MMP16: variants seen among roughly 807,000 people sequenced by gnomAD.
The protein encoded by MMP16 is matrix metallopeptidase 16.
A neutral mutation model predicts 67.8 loss-of-function variants in MMP16; 12 were observed. The observed-to-expected ratio is 0.18, with a 90% CI of 0.11 to 0.29. The LOEUF (loss-of-function observed/expected upper bound fraction) is 0.29, where lower values mean the gene tolerates loss of function less well. Among genes scored for constraint, MMP16 ranks in the 10% least tolerant of loss-of-function variants. MMP16 has a pLI of 1.00. For synonymous variants in MMP16, 249 were observed against 255.9 expected (o/e 0.97, Z 0.26); for missense variants, 475 against 765.7 (o/e 0.62, Z 4.48).
chr8:88,131,393 A>C (rs1334751081), intron 4 of MMP16, among the ~76,000 whole-genome samples: 3 of 151,762 alleles, frequency 2.0e-5, no homozygotes, highest in Non-Finnish European at 1.5e-5. Flanking sequence ...GATACCAAAA[A>C]GGACTATCAT....
At chr8:88,072,296 C>G (rs1456003492) in intron 7 of MMP16, among the ~76,000 whole-genome samples, 1 of 152,040 alleles carries the variant, frequency 6.6e-6, no homozygotes, top group African/African-American at 2.4e-5. Context: ...TGCTAGGACT[C>G]TCACTCCTCT....
intron 3 of MMP16, among the ~76,000 whole-genome samples, chr8:88,185,456 C>T (rs534597616): frequency 1.3e-5 from 2 of 151,928 alleles, no homozygotes; most frequent in African/African-American, 4.8e-5. Context: ...GAAAAAAAAA[C>T]GTCGCCAAAA....
chr8:88,326,930 A>G (rs899748743), intron 1 of MMP16, 145 bp downstream of exon 1: 4 of 1,032,212 alleles, frequency 3.9e-6, no homozygotes, highest in African/African-American at 3.2e-5. Context: ...ACACCCTTAA[A>G]CTGAACCAGG....
At chr8:88,264,880 A>T (rs1015889509) in intron 1 of MMP16, among the ~76,000 whole-genome samples, 5 of 152,246 alleles carry the variant, frequency 3.3e-5, no homozygotes, top group Non-Finnish European at 5.9e-5. Context: ...GTTTATACAA[A>T]CATATATAGA....
intron 1 of MMP16, among the ~76,000 whole-genome samples, chr8:88,215,355 A>AT (rs1178835495): frequency 6.6e-6 from 1 of 151,698 alleles, no homozygotes; most frequent in Non-Finnish European, 1.5e-5. Flanking sequence ...ATCTAAGAGC[A>AT]TTTTTTAATG....
At chr8:88,313,364 CT>C (rs1811326969) in intron 1 of MMP16, among the ~76,000 whole-genome samples, 1 of 151,918 alleles carries the variant, frequency 6.6e-6, no homozygotes, top group South Asian at 2.1e-4. Flanking sequence ...GATTTTTTTC[CT>C]TTCTGTATTT....
At chr8:88,246,921 G>A (rs1029087468) in intron 1 of MMP16, among the ~76,000 whole-genome samples, 2 of 151,966 alleles carry the variant, frequency 1.3e-5, no homozygotes, top group Admixed American at 1.3e-4. Context: ...TTCATTCATC[G>A]AATTAAATCT....
intron 4 of MMP16, among the ~76,000 whole-genome samples, chr8:88,166,552 T>C (rs939189450): frequency 2.0e-5 from 3 of 150,978 alleles, no homozygotes; most frequent in Admixed American, 2.0e-4. Context: ...AACTGATGGA[T>C]AGTTAGGATA....
chr8:88,064,353 T>C (rs1411485844), intron 7 of MMP16, among the ~76,000 whole-genome samples: 1 of 152,112 alleles, frequency 6.6e-6, no homozygotes, highest in Admixed American at 6.6e-5. Flanking sequence ...TGAGAAAACA[T>C]CAGGGAATTT....
chr8:88,294,692 A>C (rs528113502), intron 1 of MMP16, among the ~76,000 whole-genome samples: 1 of 152,228 alleles, frequency 6.6e-6, no homozygotes, highest in Admixed American at 6.5e-5. Flanking sequence ...AGTTAATGGA[A>C]TATTAGAATT....
intron 4 of MMP16, among the ~76,000 whole-genome samples, chr8:88,161,420 C>T (rs1808620945): frequency 1.3e-5 from 2 of 151,988 alleles, no homozygotes; most frequent in African/African-American, 2.4e-5. Context: ...TTTATTGCGT[C>T]TATTTGATTC....
At chr8:88,144,983 TTA>T (rs1050968338) in intron 4 of MMP16, among the ~76,000 whole-genome samples, 11 of 152,012 alleles carry the variant, frequency 7.2e-5, no homozygotes, top group Admixed American at 1.3e-4. Flanking sequence ...TTACGTATGC[TTA>T]TATATGTTTT....
At chr8:88,117,319 T>C (rs1809452588) in intron 5 of MMP16, among the ~76,000 whole-genome samples, 1 of 152,128 alleles carries the variant, frequency 6.6e-6, no homozygotes. Context: ...ATATCACCAG[T>C]AAAATATTAA....
intron 1 of MMP16, among the ~76,000 whole-genome samples, chr8:88,258,359 CA>C (rs1274830672): frequency 6.6e-6 from 1 of 152,116 alleles, no homozygotes; most frequent in Non-Finnish European, 1.5e-5. Context: ...TTTCAATTTC[CA>C]AAACTATGAA....
At chr8:88,312,276 G>T (rs755282483) in intron 1 of MMP16, among the ~76,000 whole-genome samples, 1 of 152,138 alleles carries the variant, frequency 6.6e-6, no homozygotes, top group African/African-American at 2.4e-5. Flanking sequence ...GCTAAGCCTT[G>T]ATCACCCAAT....
intron 6 of MMP16, among the ~76,000 whole-genome samples, chr8:88,111,983 T>C (rs559898447): frequency 6.6e-6 from 1 of 151,926 alleles, no homozygotes; most frequent in South Asian, 2.1e-4. Flanking sequence ...TTGACTTTTT[T>C]TGGGTAAATG....
At chr8:88,186,200 A>G (rs913053069) in intron 3 of MMP16, 5 of 287,562 alleles carry the variant, frequency 1.7e-5, no homozygotes, top group Admixed American at 1.5e-4. Flanking sequence ...AGCATGTAAT[A>G]TGTTAGAACA....
At chr8:88,207,566 T>C (rs1055812432) in intron 1 of MMP16, among the ~76,000 whole-genome samples, 3 of 152,142 alleles carry the variant, frequency 2.0e-5, no homozygotes, top group African/African-American at 7.2e-5. Context: ...CAGAAGTAGA[T>C]GAAAGTCATG....
chr8:88,078,259 T>G (rs1342448681), intron 6 of MMP16, among the ~76,000 whole-genome samples: 5 of 152,164 alleles, frequency 3.3e-5, no homozygotes, highest in Non-Finnish European at 7.3e-5. Context: ...AATTCCTACT[T>G]AAACACCAAT....
Sources: gnomAD v4.1 joint callset for allele counts (sites outside exome capture counted in the v4.1 genomes callset) on GRCh38, gnomAD v4.1.1 for gene constraint, MANE v1.5 for transcripts, NCBI Gene and HGNC (gene_info 2026-07-23, HGNC 2026-07-21) for gene names.